Variants in CTNNA3 observed in about 807,000 individuals in gnomAD.
The protein encoded by CTNNA3 is catenin alpha-3.
CTNNA3 carries 76 observed loss-of-function variants against 95.7 expected under a neutral mutation model. That is an observed-to-expected ratio of 0.79 (90% CI 0.66 to 0.96). CTNNA3 has a LOEUF of 0.96. CTNNA3 is among the 40% of genes least tolerant of loss of function. The pLI is 0.00. For missense variants in CTNNA3, 1,191 were observed against 1,089.8 expected (o/e 1.09, Z -1.31); for synonymous variants, 431 against 374.4 (o/e 1.15, Z -1.74).
rs147077515 is a variant in CTNNA3, at chr10:67,230,147, G to C, written c.580-10277C>G. 8.7e-4 allele frequency among the ~76,000 whole-genome samples: 133 copies of C among 152,274 alleles called. No homozygotes were observed. The East Asian group carries it at 0.022, about 25-fold the overall frequency. ...GCACATAGACCAATGGAACAGAATA[G>C]AGAACCCAGAAATAAACCCAAATAC... On this transcript the variant is annotated intron_variant, in intron 5 of 17. Coordinates refer to ENST00000433211, the MANE Select transcript of CTNNA3 (RefSeq NM_013266.4).
intron 9 of CTNNA3, among the ~76,000 whole-genome samples, chr10:66,749,699 A>G (rs1166293826): frequency 6.6e-6 from 1 of 152,180 alleles, no homozygotes; most frequent in African/African-American, 2.4e-5. Flanking sequence ...GTGTGGACAT[A>G]AGTTTTCAAA....
At chr10:67,417,661 T>C (rs898147356) in intron 5 of CTNNA3, among the ~76,000 whole-genome samples, 2 of 151,658 alleles carry the variant, frequency 1.3e-5, no homozygotes, top group Admixed American at 1.3e-4. Context: ...ACAAATCCAA[T>C]TAAATTTAAA....
intron 11 of CTNNA3, among the ~76,000 whole-genome samples, chr10:66,409,769 A>C (rs752460504): frequency 1.3e-5 from 2 of 152,218 alleles, no homozygotes; most frequent in Non-Finnish European, 2.9e-5. Flanking sequence ...TTAGGTCAAC[A>C]TCTAGAACTT....
chr10:66,237,362 T>C (rs1216771169), intron 13 of CTNNA3, among the ~76,000 whole-genome samples: 1 of 152,150 alleles, frequency 6.6e-6, no homozygotes, highest in Non-Finnish European at 1.5e-5. Flanking sequence ...ATTGTTGTAT[T>C]TGAAAGAAAT....
intron 17 of CTNNA3, among the ~76,000 whole-genome samples, chr10:65,935,492 G>A (rs955077705): frequency 2.0e-5 from 3 of 152,094 alleles, no homozygotes; most frequent in Non-Finnish European, 2.9e-5. Context: ...GAGTTTTGGT[G>A]ATTTGAAAAG....
chr10:66,286,508 G>C (rs2091591548), intron 12 of CTNNA3, among the ~76,000 whole-genome samples: 1 of 151,990 alleles, frequency 6.6e-6, no homozygotes, highest in Non-Finnish European at 1.5e-5. Flanking sequence ...AGTTACAACA[G>C]GGAAAAAGTT....
intron 9 of CTNNA3, among the ~76,000 whole-genome samples, chr10:66,764,840 T>C (rs1158845745): frequency 6.6e-6 from 1 of 152,174 alleles, no homozygotes. Context: ...AATAATTCAA[T>C]TAATTAAAAA....
intron 9 of CTNNA3, among the ~76,000 whole-genome samples, chr10:66,662,845 C>T (rs1242189394): frequency 6.6e-6 from 1 of 152,040 alleles, no homozygotes; most frequent in African/African-American, 2.4e-5. Context: ...AGAAAAATGC[C>T]TCCTTTGGTC....
chr10:67,021,401 A>T (rs1194735060), intron 7 of CTNNA3, among the ~76,000 whole-genome samples: 3 of 152,286 alleles, frequency 2.0e-5, no homozygotes, highest in Admixed American at 6.5e-5. Context: ...TTGATATTTT[A>T]AAAGTCATAT....
chr10:66,085,722 C>A (rs2133666986), intron 14 of CTNNA3, among the ~76,000 whole-genome samples: 1 of 152,220 alleles, frequency 6.6e-6, no homozygotes, highest in East Asian at 1.9e-4. Flanking sequence ...GTGCCTACAG[C>A]ATTCGTAATT....
chr10:66,217,736 A>G (rs937578044), intron 13 of CTNNA3, among the ~76,000 whole-genome samples: 1 of 152,168 alleles, frequency 6.6e-6, no homozygotes, highest in African/African-American at 2.4e-5. Context: ...CCCCAAAAGG[A>G]TTAATGTTTA....
At chr10:66,007,643 C>T (rs1396783290) in intron 15 of CTNNA3, among the ~76,000 whole-genome samples, 1 of 148,732 alleles carries the variant, frequency 6.7e-6, no homozygotes, top group East Asian at 2.0e-4. Context: ...TATTAGGTAG[C>T]TCCATCTGGA....
chr10:66,155,741 T>C (rs763522732), intron 13 of CTNNA3, among the ~76,000 whole-genome samples: 1 of 151,872 alleles, frequency 6.6e-6, no homozygotes, highest in Non-Finnish European at 1.5e-5. Flanking sequence ...TATAAAACAA[T>C]AAAGCTTTTA....
chr10:66,679,270 G>C (rs1384790658), intron 9 of CTNNA3, among the ~76,000 whole-genome samples: 1 of 152,146 alleles, frequency 6.6e-6, no homozygotes, highest in South Asian at 2.1e-4. Context: ...ATGAATCATG[G>C]ACAAATGAAT....
chr10:66,008,923 A>G (rs1296858411), intron 15 of CTNNA3, among the ~76,000 whole-genome samples: 1 of 152,036 alleles, frequency 6.6e-6, no homozygotes, highest in Non-Finnish European at 1.5e-5. Flanking sequence ...AACATGGTGA[A>G]ACCCCATCTC....
At position 66,766,558 on chromosome 10, in the gene CTNNA3, G is replaced by A. The variant is rs534681251; in HGVS notation, c.1129-142C>T. ...AATCACAATACTTAAAGATATACAA[G>A]AATGTCCCTTAAGAAACTAAAAAAC... On this transcript the variant is annotated intron_variant, in intron 8 of 17. Coordinates refer to ENST00000433211, the MANE Select transcript of CTNNA3 (RefSeq NM_013266.4). The A allele has an allele frequency of 3.0e-3, 1,938 of 652,260 alleles. 64 individuals are homozygous for A. The highest frequency in any genetic ancestry group is 4.1e-3 in the Middle Eastern group (12 of 2,940). The allele number at this position is 652,260 out of a possible 1,614,324, so 40.4% of individuals were successfully genotyped here. A position where few individuals can be genotyped will look rare whatever the true frequency, so the allele number is the denominator to read the frequency against.
intron 7 of CTNNA3, among the ~76,000 whole-genome samples, chr10:66,835,569 T>C (rs950502151): frequency 6.6e-6 from 1 of 152,202 alleles, no homozygotes; most frequent in Non-Finnish European, 1.5e-5. Flanking sequence ...TGATGAATGG[T>C]GTGTTTCCAT....
intron 7 of CTNNA3, among the ~76,000 whole-genome samples, chr10:66,919,594 A>G (rs1846681889): frequency 6.6e-6 from 1 of 152,172 alleles, no homozygotes; most frequent in Non-Finnish European, 1.5e-5. Context: ...GTCTTTTCCC[A>G]GAAAGACACT....
chr10:66,842,917 G>A lies in CTNNA3; in HGVS notation c.1048-67393C>T, dbSNP rs189167310. Among the ~76,000 whole-genome samples, 24 of 152,188 alleles carry A rather than the reference G, an allele frequency of 1.6e-4. No homozygotes were observed. The East Asian group carries it at 1.7e-3, about 11-fold the overall frequency. On this transcript the variant is annotated intron_variant, in intron 7 of 17. Coordinates refer to ENST00000433211, the MANE Select transcript of CTNNA3 (RefSeq NM_013266.4). ...ATATGGCTGACTCAAACCAGGAAGC[G>A]CTTGGCTAAAATAAGGTGCACCAAA...
Sources: allele counts gnomAD v4.1 joint callset (sites outside exome capture counted in the v4.1 genomes callset), GRCh38; gene constraint gnomAD v4.1.1; transcripts MANE v1.5; gene names NCBI Gene and HGNC (gene_info 2026-07-23, HGNC 2026-07-21).